The following ANK2 variants were observed in gnomAD, a reference collection of about 807,000 sequenced individuals.
ANK2 encodes the protein ankyrin-2.
Under a neutral mutation model 360.5 loss-of-function variants are expected in ANK2, and 83 were observed. The observed-to-expected ratio is 0.23, with a 90% CI of 0.19 to 0.28. The LOEUF (loss-of-function observed/expected upper bound fraction) is 0.28, where lower values mean the gene tolerates loss of function less well. Among genes scored for constraint, ANK2 ranks in the 10% least tolerant of loss-of-function variants. The pLI is 1.00. For synonymous variants in ANK2, 1,740 were observed against 1,759.5 expected (o/e 0.99, Z 0.28); for missense variants, 4,201 against 4,795.7 (o/e 0.88, Z 3.66).
intron 23 of ANK2, among the ~76,000 whole-genome samples, chr4:113,307,164 A>G (rs1464240036): frequency 6.6e-6 from 1 of 152,190 alleles, no homozygotes; most frequent in African/African-American, 2.4e-5. Context: ...AATGATGTAT[A>G]CTAGTAATCA....
chr4:113,014,848 C>CT (rs530387481), intron 2 of ANK2, among the ~76,000 whole-genome samples: 3,637 of 70,322 alleles, frequency 0.052, 1,068 homozygotes, highest in East Asian at 0.2. Flanking sequence ...GATCATAGAG[C>CT]TTTTTTTTTT....
intron 1 of ANK2, among the ~76,000 whole-genome samples, chr4:113,163,562 C>T (rs1164353593): frequency 3.3e-5 from 5 of 150,836 alleles, no homozygotes; most frequent in Admixed American, 2.0e-4. Context: ...GTCAGGAGTT[C>T]GAGACCAGCC....
the ANK2 span, chr4:112,788,087 C>G: frequency 6.5e-7 from 1 of 1,529,576 alleles, no homozygotes; most frequent in African/African-American, 1.4e-5. Flanking sequence ...GCACATTTAA[C>G]CCAGTTTAGT....
At chr4:113,372,017 C>CT (rs938423565) in intron 43 of ANK2, among the ~76,000 whole-genome samples, 1 of 152,068 alleles carries the variant, frequency 6.6e-6, no homozygotes, top group African/African-American at 2.4e-5. Context: ...CATAGTCTAC[C>CT]TTTTTTTGAT....
At chr4:112,971,199 G>C (rs773497222) in intron 2 of ANK2, among the ~76,000 whole-genome samples, 3 of 152,152 alleles carry the variant, frequency 2.0e-5, no homozygotes, top group Admixed American at 1.3e-4. Flanking sequence ...ATTTGTATTA[G>C]ATTTATTGCA....
chr4:113,088,032 G>A (rs1278411636), intron 1 of ANK2, among the ~76,000 whole-genome samples: 1 of 152,046 alleles, frequency 6.6e-6, no homozygotes, highest in African/African-American at 2.4e-5. Context: ...TTTGAAAATG[G>A]AAGTGTTTCT....
chr4:113,011,339 T>C (rs1413589678), intron 2 of ANK2, among the ~76,000 whole-genome samples: 1 of 152,078 alleles, frequency 6.6e-6, no homozygotes, highest in African/African-American at 2.4e-5. Flanking sequence ...ATCTCTGCTC[T>C]CTTAGAGTTC....
intron 2 of ANK2, among the ~76,000 whole-genome samples, chr4:112,947,992 T>C (rs958459827): frequency 6.6e-6 from 1 of 152,246 alleles, no homozygotes; most frequent in Admixed American, 6.5e-5. Flanking sequence ...TACTTAGTGC[T>C]CTGAGCACTC....
chr4:113,281,090 A>T (rs2062140132), intron 17 of ANK2, among the ~76,000 whole-genome samples: 1 of 152,222 alleles, frequency 6.6e-6, no homozygotes, highest in South Asian at 2.1e-4. Context: ...AAAGATACTT[A>T]TTCTTGCTTG....
chr4:113,186,380 A>G (rs1341720976), intron 2 of ANK2, among the ~76,000 whole-genome samples: 2 of 152,180 alleles, frequency 1.3e-5, no homozygotes, highest in Non-Finnish European at 2.9e-5. Flanking sequence ...ACGTCCACAC[A>G]AAAACCCCAT....
chr4:113,202,133 T>A (rs2153418925), intron 4 of ANK2, among the ~76,000 whole-genome samples: 1 of 152,126 alleles, frequency 6.6e-6, no homozygotes, highest in African/African-American at 2.4e-5. Context: ...CATTAATAGT[T>A]GAAAAAAAGT....
intron 1 of ANK2, among the ~76,000 whole-genome samples, chr4:112,862,131 G>A (rs1172862748): frequency 6.6e-6 from 1 of 152,120 alleles, no homozygotes; most frequent in African/African-American, 2.4e-5. Context: ...GGATGTTAAA[G>A]AAAGTATCCA....
At chr4:113,151,143 C>T (rs368983196) in intron 1 of ANK2, 33 of 1,287,334 alleles carry the variant, frequency 2.6e-5, no homozygotes, top group South Asian at 2.4e-4. Context: ...AGCAAAAAAA[C>T]ACTTCTAAAA....
chr4:113,257,968 T>A, intron 11 of ANK2, 82 bp from the exon 12 acceptor site: 1 of 1,254,336 alleles, frequency 8.0e-7, no homozygotes, highest in South Asian at 1.2e-5. Flanking sequence ...GATGTAACAT[T>A]ATTGCCTGCA....
chr4:112,983,409 G>C lies in ANK2; in HGVS notation c.21+78895G>C, dbSNP rs545847052. ...AAAAAAAAAGAGGCCGGGCGCAGTG[G>C]CTCACGCCTGTAATTCCAGCACTTT... On this transcript the variant is annotated intron_variant, in intron 2 of 30. Coordinates refer to the ANK2 transcript ENST00000503271. Among the ~76,000 whole-genome samples the C allele has an allele frequency of 7.9e-5, 12 of 151,944 alleles. No individual in the cohort carries two copies. In the South Asian group the frequency reaches 2.1e-3, roughly 26 times the overall value.
At chr4:112,881,704 T>A in intron 1 of ANK2, 1 of 513,726 alleles carries the variant, frequency 1.9e-6, no homozygotes, top group South Asian at 2.6e-5. Context: ...TCTCGAGTTT[T>A]TTGCCCATAC....
At position 113,372,463 on chromosome 4, in the gene ANK2, AAAG is replaced by A. The variant is rs2096773546; in HGVS notation, c.11611-621_11611-619del. Reference sequence around the variant, plus strand: ...AAAGTTTCACAATACAATGTAAGCTAAAGAAGAAACCAGTAGTGAAGTCATTCC... The same window carrying A: ...AAAGTTTCACAATACAATGTAAGCTAAAGAAACCAGTAGTGAAGTCATTCC... On this transcript the variant is annotated intron_variant, in intron 43 of 45. Transcript: ENST00000357077. 27 of 993,304 alleles carry A rather than the reference AAAG, an allele frequency of 2.7e-5. No homozygotes were observed. The South Asian group carries it at 3.9e-4, about 14-fold the overall frequency. The allele number at this position is 993,304 out of a possible 1,614,324, so 61.5% of individuals were successfully genotyped here.
the ANK2 span, among the ~76,000 whole-genome samples, chr4:112,764,803 G>C: frequency 1.3e-5 from 2 of 151,438 alleles, no homozygotes; most frequent in Admixed American, 6.6e-5. Context: ...CACCTCCGGG[G>C]TTCAAGCGAT....
the ANK2 span, among the ~76,000 whole-genome samples, chr4:112,806,673 T>A: frequency 6.6e-6 from 1 of 151,156 alleles, no homozygotes; most frequent in South Asian, 2.1e-4. Context: ...CTACAAAAAA[T>A]AAAAAAAATA....
Sources: gnomAD v4.1 joint callset for allele counts (sites outside exome capture counted in the v4.1 genomes callset) on GRCh38, gnomAD v4.1.1 for gene constraint, MANE v1.5 for transcripts, NCBI Gene and HGNC (gene_info 2026-07-23, HGNC 2026-07-21) for gene names.